Variants in OR8A1 observed in about 807,000 individuals in gnomAD.
OR8A1 encodes olfactory receptor 8A1.
Under a neutral mutation model 13.4 loss-of-function variants are expected in OR8A1, and 5 were observed. That is an observed-to-expected ratio of 0.37 (90% CI 0.19 to 0.78). OR8A1 has a LOEUF of 0.78. Ranked by LOEUF, OR8A1 falls within the 30% of genes least tolerant of loss-of-function variation. OR8A1 has a pLI of 0.47. For synonymous variants in OR8A1, 156 were observed against 150.4 expected, an observed-to-expected ratio of 1.04 and a Z score of -0.27; for missense variants, 354 against 374.8, an observed-to-expected ratio of 0.94 and a Z score of 0.46.
At position 124,570,057 on chromosome 11, in the gene OR8A1, A is replaced by T. The variant is rs757722413; in HGVS notation, c.-63A>T. The T allele has an allele frequency of 6.3e-7, 1 of 1,599,148 alleles. No homozygotes were observed. Among genetic ancestry groups the T allele is most frequent in the Non-Finnish European group, 8.5e-7 (1 of 1,172,646 alleles). On this transcript the variant is annotated 5_prime_UTR_variant, in exon 1 of 1. Transcript: ENST00000284287. ...AAAGGCTCAAGACTAGCCGTCCAAG[A>T]TTAGCCTTTTAATGGGGTTCTTGTC...
In OR8A1 at chr11:124,570,028, C is replaced by A; in HGVS notation, c.-92C>A. Reference sequence around the variant, plus strand: ...CAGAGAGCCCAGGATGTTTCACTAGCACCAAAGGCTCAAGACTAGCCGTCC... The same window carrying A: ...CAGAGAGCCCAGGATGTTTCACTAGAACCAAAGGCTCAAGACTAGCCGTCC... On this transcript the variant is annotated 5_prime_UTR_variant, in exon 1 of 1. Coordinates refer to ENST00000284287, the MANE Select transcript of OR8A1 (RefSeq NM_001005194.2). 1 of 1,561,202 alleles carries A rather than the reference C, an allele frequency of 6.4e-7. No individual in the cohort carries two copies. Among genetic ancestry groups the A allele is most frequent in the Non-Finnish European group, 8.7e-7 (1 of 1,154,886 alleles).
chr11:124,570,997 A>G lies in OR8A1; in HGVS notation c.878A>G (p.Asn293Ser), dbSNP rs1186699620. The G allele has an allele frequency of 6.2e-7, 1 of 1,613,836 alleles. No individual in the cohort carries two copies. Among genetic ancestry groups the G allele is most frequent in the Non-Finnish European group, 8.5e-7 (1 of 1,179,904 alleles). The change falls in exon 1 of 1, where the codon AAC becomes AGC. Residue 293 changes from asparagine to serine, a missense_variant. Transcript: ENST00000284287. The stretch of plus-strand genomic sequence containing the variant: ...AATCCCCTAATCTACAGCCTGAGGA[A>G]CAAGGAAGTAAAGGCTGCCGTGCAG... ...MLNPLIYSLR[N>S]KEVKAAVQKT... is the part of the protein sequence containing the mutation.
At position 124,570,948 on chromosome 11, in the gene OR8A1, T is replaced by C. The variant is rs756698718; in HGVS notation, c.829T>C (p.Tyr277His). The change falls in exon 1 of 1, where the codon TAC becomes CAC. Residue 277 changes from tyrosine to histidine, a missense_variant. By Grantham distance (83) the Tyr-to-His change is moderately conservative. Coordinates refer to ENST00000284287, the MANE Select transcript of OR8A1 (RefSeq NM_001005194.2). ...CCAGGAGAATGTGGCCTCTGTGTTCTACACCACGGTAATCCCCATGTTGAA... is the reference window on the plus strand; with the variant it reads ...CCAGGAGAATGTGGCCTCTGTGTTCCACACCACGGTAATCCCCATGTTGAA... ...LTQENVASVF[Y>H]TTVIPMLNPL... 6.2e-7 allele frequency: 1 copy of C among 1,614,104 alleles called. No individual in the cohort carries two copies. Among genetic ancestry groups the C allele is most frequent in the East Asian group, 2.2e-5 (1 of 44,872 alleles).
Position 124,571,276 on chromosome 11 carries a change from T to C in OR8A1, c.*227T>C, listed in dbSNP as rs1348372605. 1 of 504,548 alleles carries C rather than the reference T, an allele frequency of 2.0e-6. No homozygotes were observed. The highest frequency in any genetic ancestry group is 3.5e-6 in the Non-Finnish European group (1 of 286,568). The allele number at this position is 504,548 out of a possible 1,614,324, so 31.3% of individuals were successfully genotyped here. Reference sequence around the variant, plus strand: ...CCTTCCCTCCCTCTTTTTTCACTTCTCTTTGAAGCCAGCCAACTTCAGGTT... The same window carrying C: ...CCTTCCCTCCCTCTTTTTTCACTTCCCTTTGAAGCCAGCCAACTTCAGGTT... On this transcript the variant is annotated 3_prime_UTR_variant, in exon 1 of 1. Transcript: ENST00000284287.
Position 124,570,363 on chromosome 11 carries a change from C to T in OR8A1, c.244C>T (p.Leu82=). The T allele has an allele frequency of 6.2e-7, 1 of 1,614,108 alleles. No homozygotes were observed. The part of the protein sequence containing the change: ...CYSSVITPKM[L]VNFVSEKNII... The stretch of plus-strand genomic sequence containing the variant: ...CTCCTCCGTCATTACCCCTAAGATG[C>T]TGGTGAACTTTGTGTCAGAGAAAAA... Residue 82 remains leucine (L), a synonymous_variant, in exon 1 of 1, where the codon CTG becomes TTG. Coordinates refer to ENST00000284287, the MANE Select transcript of OR8A1 (RefSeq NM_001005194.2).
rs760263459 is a variant in OR8A1 at position 124,571,138 on chromosome 11, A to C, written c.*89A>C. The C allele has an allele frequency of 4.7e-6, 6 of 1,274,456 alleles. No homozygotes were observed. The highest frequency in any genetic ancestry group is 2.3e-5 in the Admixed American group (1 of 44,030). The allele number at this position is 1,274,456 out of a possible 1,614,324, so 78.9% of individuals were successfully genotyped here. ...CTGAATGCTGGCCAGCTGTGGATGG[A>C]AAATAATCACTTCTCCACATGGCTG... On this transcript the variant is annotated 3_prime_UTR_variant, in exon 1 of 1. Transcript: ENST00000284287.
Position 124,570,178 on chromosome 11 carries a change from G to C in OR8A1, c.59G>C (p.Arg20Thr), listed in dbSNP as rs543624391. Residue 20 changes from arginine (R) to threonine (T), a missense_variant, in exon 1 of 1, where the codon AGA becomes ACA. By Grantham distance (71) the Arg-to-Thr change is moderately conservative (BLOSUM62 -1). Coordinates refer to ENST00000284287, the MANE Select transcript of OR8A1 (RefSeq NM_001005194.2). ...TTCATTCTCAAGGGTTTAACGAAGA[G>C]AGCAGACCTCCAGCTCCCCCTCTTT... The part of the protein sequence containing the change: ...TEFILKGLTK[R>T]ADLQLPLFLL... 6.2e-7 allele frequency: 1 copy of C among 1,614,010 alleles called. No homozygotes were observed. The highest frequency in any genetic ancestry group is 1.1e-5 in the South Asian group (1 of 91,066).
In OR8A1 at chr11:124,570,646, A is replaced by T; in HGVS notation, c.527A>T (p.Tyr176Phe). The T allele has an allele frequency of 6.2e-7, 1 of 1,613,996 alleles. No individual in the cohort carries two copies. The stretch of plus-strand genomic sequence containing the variant: ...TATTGTGAGCACCTCATCAGTCACT[A>T]CTTCTGTGACATCCTCCCTCTCATG... ...LPYCEHLISH[Y>F]FCDILPLMKL... The change falls in exon 1 of 1, where the codon TAC (tyrosine) becomes TTC (phenylalanine). Residue 176 changes from tyrosine to phenylalanine, a missense_variant. Coordinates refer to ENST00000284287, the MANE Select transcript of OR8A1 (RefSeq NM_001005194.2).
Position 124,570,572 on chromosome 11 carries a change from C to A in OR8A1, c.453C>A (p.Ile151=). 6.2e-7 allele frequency: 1 copy of A among 1,614,100 alleles called. No homozygotes were observed. The highest frequency in any genetic ancestry group is 2.2e-5 in the East Asian group (1 of 44,870). The change falls in exon 1 of 1, where the codon ATC becomes ATA. Residue 151 remains isoleucine, a synonymous_variant. Coordinates refer to ENST00000284287, the MANE Select transcript of OR8A1 (RefSeq NM_001005194.2). ...CLLLVAVVYA[I]GLIGSTIETG... ...TGCTGGTGGCTGTGGTCTACGCCATCGGACTCATTGGCTCCACAATAGAAA... is the reference window on the plus strand; with the variant it reads ...TGCTGGTGGCTGTGGTCTACGCCATAGGACTCATTGGCTCCACAATAGAAA...
Position 124,570,141 on chromosome 11 carries a change from A to G in OR8A1, c.22A>G (p.Thr8Ala), listed in dbSNP as rs146904876. The G allele has an allele frequency of 2.7e-5, 44 of 1,613,884 alleles. No individual in the cohort carries two copies. The African/African-American group carries it at 5.3e-4, about 20-fold the overall frequency. Residue 8 changes from threonine to alanine, a missense_variant, in exon 1 of 1, where the codon ACA becomes GCA. Transcript: ENST00000284287. MAAGNHS[T>A]VTEFILKGLT... ...GAGAATGGCTGCAGGAAATCACTCT[A>G]CAGTGACAGAGTTCATTCTCAAGGG...
chr11:124,571,223 TCTTC>T lies in OR8A1; in HGVS notation c.*185_*188del. On this transcript the variant is annotated 3_prime_UTR_variant, in exon 1 of 1. Coordinates refer to ENST00000284287, the MANE Select transcript of OR8A1 (RefSeq NM_001005194.2). ...TCCCTCTTCCTTTCCTCTTCCTTCC[TCTTC>T]CTTCCTTCCTCTTCTTTCCTCTTCC... is the stretch of plus-strand genomic sequence containing the variant. 1.0e-5 allele frequency: 6 copies of T among 594,896 alleles called. No individual in the cohort carries two copies. The highest frequency in any genetic ancestry group is 3.7e-5 in the African/African-American group (2 of 53,470). 36.9% of individuals were successfully genotyped at this position (594,896 alleles called of 1,614,324 possible). A position where few individuals can be genotyped will look rare whatever the true frequency, so the allele number is the denominator to read the frequency against.
Position 124,570,359 on chromosome 11 carries a change from G to A in OR8A1, c.240G>A (p.Lys80=), listed in dbSNP as rs1046916884. The part of the protein sequence containing the change: ...DLCYSSVITP[K]MLVNFVSEKN... ...GCTACTCCTCCGTCATTACCCCTAA[G>A]ATGCTGGTGAACTTTGTGTCAGAGA... Residue 80 remains lysine (K), a synonymous_variant, in exon 1 of 1, where the codon AAG becomes AAA. Transcript: ENST00000284287. The A allele has an allele frequency of 3.5e-5, 56 of 1,613,960 alleles. No individual in the cohort carries two copies. Among genetic ancestry groups the A allele is most frequent in the Non-Finnish European group, 4.7e-5 (55 of 1,180,016 alleles).
chr11:124,570,842 C>G lies in OR8A1; in HGVS notation c.723C>G (p.Ser241Arg). 6.2e-7 allele frequency: 1 copy of G among 1,613,980 alleles called. No homozygotes were observed. The highest frequency in any genetic ancestry group is 1.1e-5 in the South Asian group (1 of 91,074). Residue 241 changes from serine to arginine, a missense_variant, in exon 1 of 1, where the codon AGC becomes AGG. Transcript: ENST00000284287. ...GATCCAAAGCCTTCAGCACCTGCAG[C>G]TCCCACCTTGCAGCCGTGGGAATGT... ...EGRSKAFSTC[S>R]SHLAAVGMFY...
chr11:124,570,523 T>G lies in OR8A1; in HGVS notation c.404T>G (p.Ile135Ser). Residue 135 changes from isoleucine (I) to serine (S), a missense_variant, in exon 1 of 1, where the codon ATT (isoleucine) becomes AGT (serine). By Grantham distance (142) the Ile-to-Ser change is moderately radical (BLOSUM62 -2). Coordinates refer to ENST00000284287, the MANE Select transcript of OR8A1 (RefSeq NM_001005194.2). ...AICHPLLYNI[I>S]MSHHTCLLLV... is the part of the protein sequence containing the mutation. ...TGCCACCCTTTGCTTTACAACATCA[T>G]TATGTCTCATCACACCTGCCTGCTG... The G allele has an allele frequency of 3.1e-6, 5 of 1,614,072 alleles. No individual in the cohort carries two copies. Among genetic ancestry groups the G allele is most frequent in the Non-Finnish European group, 4.2e-6 (5 of 1,180,014 alleles).
chr11:124,570,251 C>T lies in OR8A1; in HGVS notation c.132C>T (p.Gly44=). 2 of 1,614,018 alleles carry T rather than the reference C, an allele frequency of 1.2e-6. No homozygotes were observed. Among genetic ancestry groups the T allele is most frequent in the East Asian group, 2.2e-5 (1 of 44,862 alleles). ...TGGTCACCATCGTGGGGAACCTGGGCATGATCACTCTAATTTGTCTGAACT... is the reference window on the plus strand; with the variant it reads ...TGGTCACCATCGTGGGGAACCTGGGTATGATCACTCTAATTTGTCTGAACT... ...IYLVTIVGNL[G]MITLICLNSQ... Residue 44 remains glycine, a synonymous_variant, in exon 1 of 1, where the codon GGC becomes GGT. Transcript: ENST00000284287.
In OR8A1 at chr11:124,570,892, A is replaced by G. The variant is rs762915197; in HGVS notation, c.773A>G (p.Tyr258Cys). Residue 258 changes from tyrosine to cysteine, a missense_variant, in exon 1 of 1, where the codon TAC becomes TGC. Tyr to Cys is a radical substitution (Grantham distance 194). Coordinates refer to ENST00000284287, the MANE Select transcript of OR8A1 (RefSeq NM_001005194.2). ...TTCTATGGATCAACTGCATTCATGTACTTAAAACCCTCCACAATCAGTTCC... is the reference window on the plus strand; with the variant it reads ...TTCTATGGATCAACTGCATTCATGTGCTTAAAACCCTCCACAATCAGTTCC... The part of the protein sequence containing the change: ...GMFYGSTAFM[Y>C]LKPSTISSLT... 4 of 1,614,122 alleles carry G rather than the reference A, an allele frequency of 2.5e-6. No individual in the cohort carries two copies. In the Admixed American group the frequency reaches 5.0e-5, roughly 20 times the overall value.
In OR8A1 at chr11:124,570,874, G is replaced by C; in HGVS notation, c.755G>C (p.Gly252Ala). The C allele has an allele frequency of 6.2e-7, 1 of 1,614,032 alleles. No individual in the cohort carries two copies. Reference protein sequence around the residue: ...SHLAAVGMFYGSTAFMYLKPS... With the variant: ...SHLAAVGMFYASTAFMYLKPS... ...CTTGCAGCCGTGGGAATGTTCTATGGATCAACTGCATTCATGTACTTAAAA... is the reference window on the plus strand; with the variant it reads ...CTTGCAGCCGTGGGAATGTTCTATGCATCAACTGCATTCATGTACTTAAAA... The change falls in exon 1 of 1, where the codon GGA becomes GCA. Residue 252 changes from glycine to alanine, a missense_variant. Transcript: ENST00000284287.
At position 124,571,184 on chromosome 11, in the gene OR8A1, T is replaced by C. The variant is rs1862680993; in HGVS notation, c.*135T>C. The stretch of plus-strand genomic sequence containing the variant: ...GGCTGGGTGAATGGGCATTTTTCCT[T>C]CTTTCCTCTTCCTTCCCTCTTCCTT... On this transcript the variant is annotated 3_prime_UTR_variant, in exon 1 of 1. Coordinates refer to ENST00000284287, the MANE Select transcript of OR8A1 (RefSeq NM_001005194.2). The C allele has an allele frequency of 2.7e-6, 2 of 729,672 alleles. No homozygotes were observed. Among genetic ancestry groups the C allele is most frequent in the African/African-American group, 1.8e-5 (1 of 56,134 alleles). The allele number at this position is 729,672 out of a possible 1,614,324, so 45.2% of individuals were successfully genotyped here.
chr11:124,570,091 AT>A lies in OR8A1; in HGVS notation c.-28del. The A allele has an allele frequency of 6.2e-7, 1 of 1,612,874 alleles. No individual in the cohort carries two copies. The stretch of plus-strand genomic sequence containing the variant: ...TTAATGGGGTTCTTGTCTCCCATGC[AT>A]CCCTGCAGGCCTCCCACCCAGAGGA... On this transcript the variant is annotated 5_prime_UTR_variant, in exon 1 of 1. Coordinates refer to ENST00000284287, the MANE Select transcript of OR8A1 (RefSeq NM_001005194.2).
Sources: allele counts gnomAD v4.1 joint callset, GRCh38; gene constraint gnomAD v4.1.1; transcripts MANE v1.5; gene names NCBI Gene and HGNC (gene_info 2026-07-23, HGNC 2026-07-21).